Variants in KATNAL2 observed in about 807,000 individuals in gnomAD.
The protein encoded by KATNAL2 is katanin catalytic subunit A1 like 2, also known as katanin p60 ATPase-containing subunit A-like 2.
Under a neutral mutation model 76.3 loss-of-function variants are expected in KATNAL2, and 52 were observed. The observed-to-expected ratio is 0.68, with a 90% CI of 0.55 to 0.86. The LOEUF (loss-of-function observed/expected upper bound fraction) is 0.86, where lower values mean the gene tolerates loss of function less well. Among genes scored for constraint, KATNAL2 ranks in the 40% least tolerant of loss-of-function variants. The pLI is 0.00. For missense variants in KATNAL2, 660 were observed against 668.9 expected (o/e 0.99, Z 0.15); for synonymous variants, 243 against 244.2 (o/e 1.00, Z 0.05).
chr18:47,075,905 C>T (rs903214640), intron 14 of KATNAL2, among the ~76,000 whole-genome samples: 1 of 152,228 alleles, frequency 6.6e-6, no homozygotes. Flanking sequence ...AAGATTGTCA[C>T]TGAATATCCT....
intron 3 of KATNAL2, among the ~76,000 whole-genome samples, chr18:46,955,309 C>T (rs2059711126): frequency 6.6e-6 from 1 of 150,850 alleles, no homozygotes; most frequent in South Asian, 2.1e-4. Context: ...TTCTGCCTCC[C>T]AGGTTCAAGT....
intron 1 of KATNAL2, among the ~76,000 whole-genome samples, chr18:46,941,993 C>T (rs1020832456): frequency 7.9e-5 from 12 of 152,038 alleles, no homozygotes; most frequent in Admixed American, 2.0e-4. Context: ...AAACTAATTC[C>T]GATTGGCTAA....
At position 47,042,056 on chromosome 18, in the gene KATNAL2, G is replaced by T. The variant is rs113474272; in HGVS notation, c.52-4401G>T. On this transcript the variant is annotated intron_variant, in intron 3 of 17. Transcript: ENST00000683218. The stretch of plus-strand genomic sequence containing the variant: ...CATTTTTAAGTGGATTTTTTTTTTA[G>T]TGTTGAATTTAGGAGGGTTTGTCTG... 6.5e-3 allele frequency among the ~76,000 whole-genome samples: 992 copies of T among 151,868 alleles called. 5 individuals carry two copies. Among genetic ancestry groups the T allele is most frequent in the African/African-American group, 0.023 (952 of 41,422 alleles).
At chr18:46,949,456 G>A (rs2059485224) in intron 3 of KATNAL2, among the ~76,000 whole-genome samples, 1 of 151,930 alleles carries the variant, frequency 6.6e-6, no homozygotes, top group Non-Finnish European at 1.5e-5. Context: ...CATGTTGCCT[G>A]GGCTGGTCTC....
At chr18:46,959,692 G>A (rs975235124) in intron 3 of KATNAL2, among the ~76,000 whole-genome samples, 1 of 152,142 alleles carries the variant, frequency 6.6e-6, no homozygotes, top group Non-Finnish European at 1.5e-5. Context: ...TCCTGTCTCA[G>A]CCTCCTGAGT....
chr18:46,961,637 GCATATGTGCCAACGTTGT>G (rs971793778), intron 3 of KATNAL2, among the ~76,000 whole-genome samples: 1 of 152,126 alleles, frequency 6.6e-6, no homozygotes, highest in African/African-American at 2.4e-5. Context: ...ACCTATACAG[GCATATGTGCCAACGTTGT>G]CACATCCCTG....
intron 6 of KATNAL2, among the ~76,000 whole-genome samples, chr18:47,057,252 C>T (rs1047988389): frequency 6.6e-6 from 1 of 152,216 alleles, no homozygotes; most frequent in Non-Finnish European, 1.5e-5. Context: ...GCAAATGCAT[C>T]TCACATATGG....
chr18:46,961,699 A>G (rs1279301613), intron 3 of KATNAL2, among the ~76,000 whole-genome samples: 2 of 152,228 alleles, frequency 1.3e-5, no homozygotes, highest in Admixed American at 6.5e-5. Flanking sequence ...TTGAAAATCT[A>G]TTGGCAGACA....
chr18:47,034,735 GGA>G, intron 3 of KATNAL2: 7 of 1,613,014 alleles, frequency 4.3e-6, no homozygotes, highest in Non-Finnish European at 5.9e-6. Flanking sequence ...CATCCGGAGG[GGA>G]GCTGTGCGCG....
intron 1 of KATNAL2, among the ~76,000 whole-genome samples, chr18:46,942,469 C>A (rs902171985): frequency 6.6e-6 from 1 of 152,034 alleles, no homozygotes; most frequent in South Asian, 2.1e-4. Flanking sequence ...CAAAAATTAG[C>A]CGGGCGTGGT....
In KATNAL2 at chr18:47,063,384, C is replaced by T. The variant is rs192294746; in HGVS notation, c.726+23C>T. The T allele has an allele frequency of 8.7e-4, 1,382 of 1,596,904 alleles. 2 individuals carry two copies. The highest frequency in any genetic ancestry group is 1.1e-3 in the Non-Finnish European group (1,265 of 1,166,090). On this transcript the variant is annotated intron_variant, in intron 10 of 17. Transcript: ENST00000683218. ...CGGGTAAGATCTGATATTCAATTCACAAATTTATGGAGGCAGGCTGGGGCT... is the reference window on the plus strand; with the variant it reads ...CGGGTAAGATCTGATATTCAATTCATAAATTTATGGAGGCAGGCTGGGGCT...
intron 15 of KATNAL2, among the ~76,000 whole-genome samples, chr18:47,088,279 C>T (rs532594687): frequency 1.3e-5 from 2 of 152,312 alleles, no homozygotes; most frequent in South Asian, 4.1e-4. Flanking sequence ...CACTGCCACA[C>T]CATTCCTCAA....
At chr18:46,947,491 G>C (rs1461506114) in intron 3 of KATNAL2, among the ~76,000 whole-genome samples, 1 of 152,010 alleles carries the variant, frequency 6.6e-6, no homozygotes, top group East Asian at 1.9e-4. Flanking sequence ...TGTATCACCT[G>C]CTACTGGCCA....
At chr18:46,929,922 A>T (rs1189992891) in intron 1 of KATNAL2, among the ~76,000 whole-genome samples, 1 of 151,818 alleles carries the variant, frequency 6.6e-6, no homozygotes, top group Non-Finnish European at 1.5e-5. Flanking sequence ...TTACAGGCGC[A>T]TGCCACCACG....
intron 15 of KATNAL2, among the ~76,000 whole-genome samples, chr18:47,097,232 A>G (rs1199001731): frequency 6.6e-6 from 1 of 152,164 alleles, no homozygotes; most frequent in Non-Finnish European, 1.5e-5. Context: ...ATAGATGCTA[A>G]AACCATTAGT....
intron 6 of KATNAL2, chr18:47,054,751 G>A: frequency 3.1e-6 from 1 of 324,900 alleles, no homozygotes; most frequent in South Asian, 8.1e-5. Context: ...CTATTTACAA[G>A]CATGGAGCAA....
At chr18:47,086,519 C>T (rs1362561514) in intron 15 of KATNAL2, among the ~76,000 whole-genome samples, 2 of 152,224 alleles carry the variant, frequency 1.3e-5, no homozygotes, top group South Asian at 4.1e-4. Flanking sequence ...GTTTCACCAT[C>T]TTGGCCAGGC....
intron 3 of KATNAL2, chr18:47,034,558 G>C: frequency 6.2e-7 from 1 of 1,614,236 alleles, no homozygotes; most frequent in Non-Finnish European, 8.5e-7. Flanking sequence ...GGCACACAAG[G>C]GGCGTTTTTC....
intron 3 of KATNAL2, chr18:46,963,510 AGTGCT>A: frequency 1.8e-6 from 2 of 1,140,220 alleles, no homozygotes; most frequent in Non-Finnish European, 2.4e-6. Flanking sequence ...TGGCGCGGAG[AGTGCT>A]TCTGGGTTTG....
Sources: allele counts gnomAD v4.1 joint callset (sites outside exome capture counted in the v4.1 genomes callset), GRCh38; gene constraint gnomAD v4.1.1; transcripts MANE v1.5; gene names NCBI Gene and HGNC (gene_info 2026-07-23, HGNC 2026-07-21).